The following ZDHHC15 variants were observed in gnomAD, a reference collection of about 807,000 sequenced individuals.
ZDHHC15 encodes zDHHC palmitoyltransferase 15.
Under a neutral mutation model 31.7 loss-of-function variants are expected in ZDHHC15, and 19 were observed. The ratio of observed to expected loss-of-function variants is 0.60; its 90% CI spans 0.42 to 0.88. The LOEUF is 0.88. Among genes scored for constraint, ZDHHC15 ranks in the 40% least tolerant of loss-of-function variants. The pLI is 0.00. For synonymous variants in ZDHHC15, 103 were observed against 90.0 expected, an observed-to-expected ratio of 1.14 and a Z score of -0.82; for missense variants, 209 against 251.2, an observed-to-expected ratio of 0.83 and a Z score of 1.14.
At chrX:75,480,157 AAG>A (rs1207774203) in intron 2 of ZDHHC15, among the ~76,000 whole-genome samples, 1 of 111,416 alleles carries the variant, frequency 9.0e-6, no homozygotes, top group African/African-American at 3.3e-5. Context: ...TTGAAAAAAA[AAG>A]AGACTCTACT....
chrX:75,492,984 G>A (rs1245723793), intron 2 of ZDHHC15, among the ~76,000 whole-genome samples: 1 of 111,513 alleles, frequency 9.0e-6, no homozygotes, highest in African/African-American at 3.3e-5. Flanking sequence ...AAAAATCAGT[G>A]AATCCAGGAA....
intron 2 of ZDHHC15, among the ~76,000 whole-genome samples, chrX:75,503,151 A>T (rs2085112011): frequency 9.0e-6 from 1 of 110,736 alleles, no homozygotes; most frequent in South Asian, 3.8e-4. Context: ...TAAAAAATAA[A>T]AAAAGAGTAT....
At chrX:75,466,794 C>G (rs2084413832) in intron 3 of ZDHHC15, among the ~76,000 whole-genome samples, 1 of 107,603 alleles carries the variant, frequency 9.3e-6, no homozygotes. Flanking sequence ...AACACAGGAA[C>G]AGATAACCAA....
intron 10 of ZDHHC15, among the ~76,000 whole-genome samples, chrX:75,394,268 C>G (rs2083275872): frequency 9.1e-6 from 1 of 109,922 alleles, no homozygotes; most frequent in Non-Finnish European, 1.9e-5. Flanking sequence ...TAAAAGAAGA[C>G]AGGAAGGACA....
chrX:75,493,495 A>G (rs953366231), intron 2 of ZDHHC15, among the ~76,000 whole-genome samples: 1 of 111,753 alleles, frequency 8.9e-6, no homozygotes, highest in Non-Finnish European at 1.9e-5. Context: ...AGAATTTTAG[A>G]CCAATATCCT....
At position 75,372,487 on chromosome X, in the gene ZDHHC15, A is replaced by C. The variant is rs918123961; in HGVS notation, c.*491T>G. The C allele has an allele frequency of 6.5e-4, 73 of 111,818 alleles. No individual in the cohort carries two copies. The highest frequency in any genetic ancestry group is 2.3e-3 in the African/African-American group (72 of 30,864). 9.2% of individuals were successfully genotyped at this position (111,818 alleles called of 1,213,427 possible). On this transcript the variant is annotated 3_prime_UTR_variant, in exon 12 of 12. Coordinates refer to ENST00000373367, the MANE Select transcript of ZDHHC15 (RefSeq NM_144969.3). ...GGTTTTTAGCCCTGATTTTCACACT[A>C]TAGCAGAATTTTGTATAGATATGCT...
rs2082997990 is a variant in ZDHHC15 at position 75,370,707 on chromosome X, T to G, written c.*2271A>C. 2 of 110,549 alleles carry G rather than the reference T, an allele frequency of 1.8e-5. No homozygotes were observed. The highest frequency in any genetic ancestry group is 3.3e-5 in the African/African-American group (1 of 30,217). 9.1% of individuals were successfully genotyped at this position (110,549 alleles called of 1,213,427 possible). On this transcript the variant is annotated 3_prime_UTR_variant, in exon 12 of 12. Coordinates refer to ENST00000373367, the MANE Select transcript of ZDHHC15 (RefSeq NM_144969.3). Reference sequence around the variant, plus strand: ...CCAACACTCCTGGCTAATTTTTGTATTTTTAGTAGAGACAGGGTTTCTCCA... The same window carrying G: ...CCAACACTCCTGGCTAATTTTTGTAGTTTTAGTAGAGACAGGGTTTCTCCA...
intron 3 of ZDHHC15, among the ~76,000 whole-genome samples, chrX:75,467,839 G>T (rs749744956): frequency 1.8e-5 from 2 of 111,007 alleles, no homozygotes; most frequent in African/African-American, 6.6e-5. Flanking sequence ...AACCATTACC[G>T]CTATCTAGTT....
intron 10 of ZDHHC15, chrX:75,384,685 C>A: frequency 1.2e-6 from 1 of 824,445 alleles, no homozygotes; most frequent in South Asian, 2.1e-5. Context: ...TGAAAATGAT[C>A]AGAGAAAGAA....
chrX:75,438,661 T>C (rs1415409986), intron 4 of ZDHHC15, among the ~76,000 whole-genome samples: 1 of 111,763 alleles, frequency 8.9e-6, no homozygotes, highest in Non-Finnish European at 1.9e-5. Flanking sequence ...ACATTCAACA[T>C]TAATATTGAG....
intron 10 of ZDHHC15, among the ~76,000 whole-genome samples, chrX:75,407,811 C>T (rs376624282): frequency 4.4e-4 from 49 of 111,051 alleles, no homozygotes; most frequent in African/African-American, 1.4e-3. Context: ...CAGATTGTTG[C>T]GTTGTCTGTG....
chrX:75,488,746 G>C (rs2084818510), intron 2 of ZDHHC15, among the ~76,000 whole-genome samples: 1 of 112,016 alleles, frequency 8.9e-6, no homozygotes, highest in African/African-American at 3.2e-5. Context: ...CGGAAACTGG[G>C]TTCAGGACAG....
intron 3 of ZDHHC15, among the ~76,000 whole-genome samples, chrX:75,473,586 T>C (rs756379201): frequency 1.4e-4 from 16 of 111,242 alleles, no homozygotes; most frequent in Non-Finnish European, 3.0e-4. Context: ...AATGGAGTTA[T>C]AGTGTTCCCT....
In ZDHHC15 at chrX:75,400,278, A is replaced by G. The variant is rs1022435939; in HGVS notation, c.967+16809T>C. Among the ~76,000 whole-genome samples the G allele has an allele frequency of 7.1e-5, 8 of 112,173 alleles. No individual in the cohort carries two copies. In the Admixed American group the frequency reaches 7.6e-4, roughly 11 times the overall value. On this transcript the variant is annotated intron_variant, in intron 10 of 11. Coordinates refer to ENST00000373367, the MANE Select transcript of ZDHHC15 (RefSeq NM_144969.3). The stretch of plus-strand genomic sequence containing the variant: ...AAGGATAAAATAGCCAGTATAAAAA[A>G]GAACCTAATGGGTCTGACAGAGTGG...
At chrX:75,508,507 A>G (rs1460513464) in intron 1 of ZDHHC15, among the ~76,000 whole-genome samples, 1 of 108,974 alleles carries the variant, frequency 9.2e-6, no homozygotes, top group East Asian at 2.9e-4. Flanking sequence ...ATAGTATTCC[A>G]TGGTGTATAT....
chrX:75,376,829 T>A (rs371832699), intron 11 of ZDHHC15, among the ~76,000 whole-genome samples: 11 of 111,980 alleles, frequency 9.8e-5, no homozygotes, highest in East Asian at 8.4e-4. Context: ...GAAAATATAA[T>A]CTAGAATAAG....
chrX:75,467,501 T>C (rs979248250), intron 3 of ZDHHC15, among the ~76,000 whole-genome samples: 2 of 112,535 alleles, frequency 1.8e-5, no homozygotes, highest in African/African-American at 3.2e-5. Flanking sequence ...TGATGATAGA[T>C]TGGGATGTAC....
At chrX:75,475,037 C>T (rs796866413) in intron 3 of ZDHHC15, among the ~76,000 whole-genome samples, 9 of 110,118 alleles carry the variant, frequency 8.2e-5, no homozygotes, top group Non-Finnish European at 1.3e-4. Flanking sequence ...CCTGCCTGGG[C>T]GACAGAGCGA....
chrX:75,368,954 G>A lies in ZDHHC15; in HGVS notation c.*4024C>T, dbSNP rs1029125357. 5.4e-5 allele frequency: 6 copies of A among 111,401 alleles called. No homozygotes were observed. Among genetic ancestry groups the A allele is most frequent in the African/African-American group, 9.8e-5 (3 of 30,631 alleles). 9.2% of individuals were successfully genotyped at this position (111,401 alleles called of 1,213,427 possible). On this transcript the variant is annotated 3_prime_UTR_variant, in exon 12 of 12. Coordinates refer to ENST00000373367, the MANE Select transcript of ZDHHC15 (RefSeq NM_144969.3). ...ACCCATTCATTATTATATAATACCC[G>A]CATGCAAAAGGCTACAATTTAATAT...
Sources: allele counts gnomAD v4.1 joint callset (sites outside exome capture counted in the v4.1 genomes callset), GRCh38; gene constraint gnomAD v4.1.1; transcripts MANE v1.5; gene names NCBI Gene and HGNC (gene_info 2026-07-23, HGNC 2026-07-21).